SYNE2: variants seen among roughly 807,000 people sequenced by gnomAD.
SYNE2 encodes the protein nesprin-2.
SYNE2 carries 431 observed loss-of-function variants against 856.3 expected under a neutral mutation model. The ratio of observed to expected loss-of-function variants is 0.50; its 90% CI spans 0.47 to 0.55. SYNE2 has a LOEUF of 0.55. Among genes scored for constraint, SYNE2 ranks in the 20% least tolerant of loss-of-function variants. The pLI, the probability that SYNE2 is intolerant of heterozygous loss-of-function variation, is 0.00. For missense variants in SYNE2, 8,129 were observed against 8,023.2 expected (o/e 1.01, Z -0.50); for synonymous variants, 2,923 against 2,872.3 (o/e 1.02, Z -0.56).
intron 1 of SYNE2, among the ~76,000 whole-genome samples, chr14:63,781,005 G>A (rs967809180): frequency 2.6e-5 from 4 of 152,012 alleles, no homozygotes; most frequent in African/African-American, 7.2e-5. Context: ...CACCAGGCAC[G>A]GTGGCTCACG....
intron 2 of SYNE2, among the ~76,000 whole-genome samples, chr14:63,933,686 C>T (rs1022025975): frequency 2.0e-5 from 3 of 152,126 alleles, no homozygotes; most frequent in Non-Finnish European, 4.4e-5. Flanking sequence ...TTCTTATTCT[C>T]TATTCCCTTA....
chr14:64,142,059 C>T lies in SYNE2; in HGVS notation c.15277C>T (p.Gln5093Ter), dbSNP rs768467644. Reference protein sequence around the residue: ...DSVHSPSSASQVKHLLQKHKE... With the variant: ...DSVHSPSSAS ...CGTGCATTCACCAAGTTCTGCATCT[C>T]AAGTTAAACATCTTCTTCAGAAGCA... Residue 5093 changes from glutamine to a stop codon, truncating the protein, a stop_gained, in exon 82 of 116, where the codon CAA becomes TAA. Transcript: ENST00000555002. LOFTEE classifies it high-confidence loss of function. 6.2e-7 allele frequency: 1 copy of T among 1,613,974 alleles called. No individual in the cohort carries two copies. The highest frequency in any genetic ancestry group is 8.5e-7 in the Non-Finnish European group (1 of 1,179,978).
rs397726340 is a variant in SYNE2, at chr14:63,993,818, A to ATT, written c.2647-4_2647-3dup. On this transcript the variant is annotated splice_polypyrimidine_tract_variant and intron_variant, in intron 21 of 115. Transcript: ENST00000555002. Reference sequence around the variant, plus strand: ...TGAGGCTTTTATGATTTTGTTTGCAATTTTTTTTTTTTTTAGGAAGCACTA... The same window carrying ATT: ...TGAGGCTTTTATGATTTTGTTTGCAATTTTTTTTTTTTTTTTAGGAAGCACTA... The ATT allele has an allele frequency of 0.033, 45,573 of 1,392,860 alleles. 1 individual carries two copies. Among genetic ancestry groups the ATT allele is most frequent in the East Asian group, 0.046 (1,838 of 39,930 alleles). 86.3% of individuals were successfully genotyped at this position (1,392,860 alleles called of 1,614,324 possible). A position where few individuals can be genotyped will look rare whatever the true frequency, so the allele number is the denominator to read the frequency against.
chr14:64,038,847 G>A (rs1339681757), intron 45 of SYNE2, among the ~76,000 whole-genome samples: 1 of 151,544 alleles, frequency 6.6e-6, no homozygotes, highest in Non-Finnish European at 1.5e-5. Context: ...GAGAGGGAGA[G>A]GGAGACCGTG....
Position 64,190,257 on chromosome 14 carries a change from T to G in SYNE2, c.18038+20T>G, listed in dbSNP as rs370129270. Reference sequence around the variant, plus strand: ...ATCAAGGTAAGAAATGGGCTAAAAATGATTACTCTCCAGGAACAGTAATTA... The same window carrying G: ...ATCAAGGTAAGAAATGGGCTAAAAAGGATTACTCTCCAGGAACAGTAATTA... On this transcript the variant is annotated intron_variant, in intron 99 of 115. Transcript: ENST00000555002. The G allele has an allele frequency of 1.9e-6, 3 of 1,613,950 alleles. No individual in the cohort carries two copies. The African/African-American group carries it at 4.0e-5, about 22-fold the overall frequency.
intron 1 of SYNE2, among the ~76,000 whole-genome samples, chr14:63,802,701 C>T (rs748160287): frequency 1.3e-5 from 2 of 152,234 alleles, no homozygotes; most frequent in South Asian, 4.2e-4. Context: ...TAACGTGGCG[C>T]GTCTGGAGTC....
At chr14:63,799,564 C>T (rs1360232783) in intron 1 of SYNE2, among the ~76,000 whole-genome samples, 1 of 151,808 alleles carries the variant, frequency 6.6e-6, no homozygotes, top group Non-Finnish European at 1.5e-5. Flanking sequence ...TTTAGCCGGG[C>T]GTGGTGGCGG....
intron 1 of SYNE2, among the ~76,000 whole-genome samples, chr14:63,893,081 C>T (rs2095172320): frequency 6.6e-6 from 1 of 151,016 alleles, no homozygotes. Flanking sequence ...TTGGGGCAGC[C>T]AAAGTGAAAA....
At chr14:63,881,799 A>G (rs2094871807) in intron 1 of SYNE2, among the ~76,000 whole-genome samples, 1 of 152,304 alleles carries the variant, frequency 6.6e-6, no homozygotes, top group Non-Finnish European at 1.5e-5. Context: ...GTACTATGGC[A>G]TTGCAGAAAC....
At chr14:64,169,042 C>A in intron 93 of SYNE2, 71 bp downstream of exon 93, 1 of 1,228,898 alleles carries the variant, frequency 8.1e-7, no homozygotes, top group Non-Finnish European at 1.2e-6. Context: ...GCAGGCTTTC[C>A]ACCATGTGAA....
intron 1 of SYNE2, among the ~76,000 whole-genome samples, chr14:63,883,350 T>C (rs8022917): frequency 0.67 from 101,392 of 151,640 alleles, 33,931 homozygotes; most frequent in South Asian, 0.78. Context: ...TGACCCACGA[T>C]GCTCGGCCTA....
chr14:63,850,351 G>A (rs1202851922), upstream of SYNE2, among the ~76,000 whole-genome samples: 1 of 150,864 alleles, frequency 6.6e-6, no homozygotes, highest in African/African-American at 2.4e-5. Context: ...GCCGCCCAAA[G>A]TGCTGGGATT....
chr14:64,130,344 T>C, intron 76 of SYNE2, 96 bp downstream of exon 76: 1 of 1,143,402 alleles, frequency 8.7e-7, no homozygotes, highest in South Asian at 1.3e-5. Context: ...TCTTCTTTGT[T>C]GAAATTTAAG....
intron 73 of SYNE2, among the ~76,000 whole-genome samples, chr14:64,127,301 G>T (rs57018718): frequency 1.3e-5 from 2 of 151,844 alleles, no homozygotes; most frequent in African/African-American, 4.8e-5. Flanking sequence ...TTGACCGAGC[G>T]TAGTAGCTCA....
intron 6 of SYNE2, among the ~76,000 whole-genome samples, chr14:63,944,426 TA>T (rs1452392260): frequency 6.6e-6 from 1 of 151,080 alleles, no homozygotes; most frequent in Non-Finnish European, 1.5e-5. Context: ...GCCCTTAAGG[TA>T]AAACCTTTGC....
chr14:63,903,220 A>G (rs1352474468), intron 1 of SYNE2, among the ~76,000 whole-genome samples: 1 of 152,218 alleles, frequency 6.6e-6, no homozygotes, highest in East Asian at 1.9e-4. Context: ...TTGACAAATA[A>G]TTGTGCTATG....
rs147001272 is a variant in SYNE2 at position 64,132,309 on chromosome 14, A to T, written c.14385A>T (p.Ala4795=). 133 of 1,614,142 alleles carry T rather than the reference A, an allele frequency of 8.2e-5. No homozygotes were observed. The African/African-American group carries it at 1.5e-3, about 18-fold the overall frequency. ...TTGCTGACATGTTGTTGATCCAAGC[A>T]TACTCTGCCAAAATACTTCCTTCTT... ...KLVADMLLIQ[A]YSAKILPSLL... is the part of the protein sequence containing the mutation. The change falls in exon 77 of 116, where the codon GCA becomes GCT. Residue 4795 remains alanine, a synonymous_variant. Transcript: ENST00000555002.
At chr14:64,167,418 A>C in intron 91 of SYNE2, 31 bp downstream of exon 91, 2 of 1,614,212 alleles carry the variant, frequency 1.2e-6, no homozygotes, top group Non-Finnish European at 1.7e-6. Flanking sequence ...TCGTTGTTTC[A>C]ATTAAGGTAA....
chr14:63,996,510 C>G (rs922070378), intron 23 of SYNE2, among the ~76,000 whole-genome samples: 1 of 151,916 alleles, frequency 6.6e-6, no homozygotes, highest in Non-Finnish European at 1.5e-5. Context: ...TACTCCAGCC[C>G]CACTGGAGTT....
Sources: allele counts gnomAD v4.1 joint callset (sites outside exome capture counted in the v4.1 genomes callset), GRCh38; gene constraint gnomAD v4.1.1; transcripts MANE v1.5; gene names NCBI Gene and HGNC (gene_info 2026-07-23, HGNC 2026-07-21).